NPIPB15: variants seen among roughly 807,000 people sequenced by gnomAD.
The protein encoded by NPIPB15 is nuclear pore complex-interacting protein family member B15.
A neutral mutation model predicts 35.9 loss-of-function variants in NPIPB15; 5 were observed. That is an observed-to-expected ratio of 0.14 (90% CI 0.07 to 0.29). NPIPB15 has a LOEUF of 0.29. Among genes scored for constraint, NPIPB15 ranks in the 10% least tolerant of loss-of-function variants. NPIPB15 has a pLI of 1.00. For missense variants in NPIPB15, 100 were observed against 506.1 expected (o/e 0.20, Z 7.70); for synonymous variants, 43 against 182.0 (o/e 0.24, Z 6.15).
At position 74,376,794 on chromosome 16, in the gene NPIPB15, C is replaced by T. The variant is rs900002384; in HGVS notation, c.-575C>T. 6.7e-6 allele frequency among the ~76,000 whole-genome samples: 1 copy of T among 149,566 alleles called. No individual in the cohort carries two copies. The highest frequency in any genetic ancestry group is 7.0e-5 in the Admixed American group (1 of 14,312). ...AGACATTTTATTGCCATGTTATGAT[C>T]TCATCATTGAGTTGAAAGGCAATCT... On this transcript the variant is annotated 5_prime_UTR_variant, in exon 1 of 8. Transcript: ENST00000692376.
chr16:74,378,423 CTT>C (rs1002146100), intron 2 of NPIPB15, among the ~76,000 whole-genome samples: 14 of 86,120 alleles, frequency 1.6e-4, no homozygotes, highest in African/African-American at 5.5e-4. Flanking sequence ...GGTTTGATGC[CTT>C]TTTTTTTTTT....
intron 2 of NPIPB15, among the ~76,000 whole-genome samples, chr16:74,380,773 G>A (rs1378956266): frequency 4.0e-5 from 6 of 150,930 alleles, no homozygotes; most frequent in East Asian, 2.0e-4. Context: ...GCAGTGAGCC[G>A]AGAGCACGCC....
chr16:74,379,514 T>A (rs1443822579), intron 2 of NPIPB15, among the ~76,000 whole-genome samples: 2 of 151,784 alleles, frequency 1.3e-5, no homozygotes, highest in Non-Finnish European at 2.9e-5. Context: ...AAGAGTCTAA[T>A]GGAATTAATA....
chr16:74,382,530 G>C (rs1356043760), intron 3 of NPIPB15, among the ~76,000 whole-genome samples: 1 of 152,242 alleles, frequency 6.6e-6, no homozygotes, highest in Non-Finnish European at 1.5e-5. Context: ...TATGTCAAAA[G>C]TCTGTACTTG....
At chr16:74,389,371 G>T (rs890258505) in intron 5 of NPIPB15, among the ~76,000 whole-genome samples, 2 of 142,274 alleles carry the variant, frequency 1.4e-5, no homozygotes, top group Non-Finnish European at 3.0e-5. Flanking sequence ...CAGTTTTTTT[G>T]TTTTTGTTTT....
chr16:74,386,840 A>C (rs1438515902), intron 5 of NPIPB15, among the ~76,000 whole-genome samples: 1 of 145,410 alleles, frequency 6.9e-6, no homozygotes, highest in Non-Finnish European at 1.5e-5. Context: ...TGATCTGCCT[A>C]CCTCAGCCTC....
In NPIPB15 at chr16:74,387,478, G is replaced by C. The variant is rs893875537; in HGVS notation, c.545+1729G>C. Among the ~76,000 whole-genome samples, 2 of 148,974 alleles carry C rather than the reference G, an allele frequency of 1.3e-5. 1 individual carries two copies. The highest frequency in any genetic ancestry group is 1.3e-4 in the Admixed American group (2 of 14,816). Reference sequence around the variant, plus strand: ...CAATCATGGGTTTTATATTCTGTTTGGTGTCCCCCATTGTTCTCATCGGAG... The same window carrying C: ...CAATCATGGGTTTTATATTCTGTTTCGTGTCCCCCATTGTTCTCATCGGAG... On this transcript the variant is annotated intron_variant, in intron 5 of 7. Transcript: ENST00000692376.
intron 2 of NPIPB15, among the ~76,000 whole-genome samples, chr16:74,378,477 A>T (rs2011800275): frequency 1.7e-5 from 2 of 117,628 alleles, no homozygotes; most frequent in Admixed American, 2.5e-4. Flanking sequence ...CCCAGGCTGG[A>T]GTGCAGTGGC....
At position 74,391,467 on chromosome 16, in the gene NPIPB15, A is replaced by C. The variant is rs780294331; in HGVS notation, c.719A>C (p.Lys240Thr). ...CCCTACCTCACAGCTGAAGCTTTAA[A>C]AAACAGGATGGGCCGCCAGCCACCT... ...CWPYLTAEAL[K>T]NRMGRQPPPP... Residue 240 changes from lysine (K) to threonine (T), a missense_variant, in exon 8 of 8, where the codon AAA becomes ACA. By Grantham distance (78) the Lys-to-Thr change is moderately conservative (BLOSUM62 -1). Transcript: ENST00000692376. 3 of 1,613,022 alleles carry C rather than the reference A, an allele frequency of 1.9e-6. No homozygotes were observed. In the South Asian group the frequency reaches 3.3e-5, roughly 18 times the overall value.
intron 3 of NPIPB15, among the ~76,000 whole-genome samples, chr16:74,384,396 G>T (rs2012147918): frequency 1.0e-5 from 1 of 99,998 alleles, no homozygotes. Context: ...TTGAGACGGA[G>T]TCTCACTCTG....
At chr16:74,379,721 C>A (rs1483475194) in intron 2 of NPIPB15, among the ~76,000 whole-genome samples, 2 of 152,090 alleles carry the variant, frequency 1.3e-5, no homozygotes, top group East Asian at 3.9e-4. Context: ...TCCCAAGTAG[C>A]TGGAACTATA....
In NPIPB15 at chr16:74,391,789, T is replaced by G. The variant is rs372268561; in HGVS notation, c.1041T>G (p.Thr347=). The G allele has an allele frequency of 2.2e-3, 3,499 of 1,605,224 alleles. No individual in the cohort carries two copies. The highest frequency in any genetic ancestry group is 2.5e-3 in the Non-Finnish European group (2,897 of 1,173,072). The change falls in exon 8 of 8, where the codon ACT becomes ACG. Residue 347 remains threonine, a synonymous_variant. Transcript: ENST00000692376. ...DDNLKTPPLA[T]QEAEAEKPPK... ...ATCTCAAGACTCCTCCCTTAGCTACTCAGGAGGCCGAGGCGGAAAAACCAC... is the reference window on the plus strand; with the variant it reads ...ATCTCAAGACTCCTCCCTTAGCTACGCAGGAGGCCGAGGCGGAAAAACCAC...
chr16:74,383,668 C>T (rs1169739560), intron 3 of NPIPB15, among the ~76,000 whole-genome samples: 4 of 147,652 alleles, frequency 2.7e-5, no homozygotes, highest in African/African-American at 7.5e-5. Context: ...GTAATCCCAG[C>T]ACTTTGGGAG....
In NPIPB15 at chr16:74,391,933, A is replaced by T; in HGVS notation, c.1185A>T (p.Gln395His). The change falls in exon 8 of 8, where the codon CAA (glutamine) becomes CAT (histidine). Residue 395 changes from glutamine to histidine, a missense_variant. Transcript: ENST00000692376. ...KPKRQREAEA[Q>H]QLPKPKRRRL... is the part of the protein sequence containing the mutation. The stretch of plus-strand genomic sequence containing the variant: ...AGAGGCAGAGGGAGGCCGAGGCACA[A>T]CAATTACCCAAACCCAAGAGGCGGA... The T allele has an allele frequency of 6.4e-7, 1 of 1,555,590 alleles. No homozygotes were observed. The highest frequency in any genetic ancestry group is 1.2e-5 in the South Asian group (1 of 84,992).
In NPIPB15 at chr16:74,381,000, G is replaced by A. The variant is rs867194709; in HGVS notation, c.67-516G>A. On this transcript the variant is annotated intron_variant, in intron 2 of 7. Coordinates refer to ENST00000692376, the MANE Select transcript of NPIPB15 (RefSeq NM_001306094.2). ...TCTACTAAAAATACAAAAATGAGTCGGGCATGGTGGCAGAGACCTGTAATC... is the reference window on the plus strand; with the variant it reads ...TCTACTAAAAATACAAAAATGAGTCAGGCATGGTGGCAGAGACCTGTAATC... Among the ~76,000 whole-genome samples, 16 of 150,906 alleles carry A rather than the reference G, an allele frequency of 1.1e-4. No individual in the cohort carries two copies. In the South Asian group the frequency reaches 2.9e-3, roughly 28 times the overall value.
intron 5 of NPIPB15, among the ~76,000 whole-genome samples, chr16:74,389,326 G>A (rs1360523203): frequency 1.3e-5 from 2 of 151,068 alleles, no homozygotes; most frequent in Non-Finnish European, 2.9e-5. Flanking sequence ...AGCAAGAGGA[G>A]GAATCAATAT....
chr16:74,382,653 T>C (rs2012054385), intron 3 of NPIPB15, among the ~76,000 whole-genome samples: 2 of 152,400 alleles, frequency 1.3e-5, no homozygotes, highest in Middle Eastern at 3.4e-3. Context: ...AAATGTGGTT[T>C]TCTGGGGGCT....
At position 74,376,731 on chromosome 16, in the gene NPIPB15, A is replaced by G. The variant is rs1386154319; in HGVS notation, c.-638A>G. On this transcript the variant is annotated 5_prime_UTR_variant, in exon 1 of 8. Transcript: ENST00000692376. Reference sequence around the variant, plus strand: ...GGTTAGGGGTGATTTGAGATCACACAACCTTGTGCCACAAAGAGGAATTCC... The same window carrying G: ...GGTTAGGGGTGATTTGAGATCACACGACCTTGTGCCACAAAGAGGAATTCC... Among the ~76,000 whole-genome samples the G allele has an allele frequency of 2.0e-5, 3 of 151,964 alleles. No individual in the cohort carries two copies. The highest frequency in any genetic ancestry group is 1.3e-4 in the Admixed American group (2 of 15,108).
chr16:74,378,336 T>C (rs1186512197), intron 2 of NPIPB15, among the ~76,000 whole-genome samples: 4 of 149,264 alleles, frequency 2.7e-5, no homozygotes, highest in African/African-American at 9.9e-5. Context: ...TGAGCTGAGA[T>C]GGCCCCGCTG....
Sources: gnomAD v4.1 joint callset for allele counts (sites outside exome capture counted in the v4.1 genomes callset) on GRCh38, gnomAD v4.1.1 for gene constraint, MANE v1.5 for transcripts, NCBI Gene and HGNC (gene_info 2026-07-23, HGNC 2026-07-21) for gene names.